The following KLF16 variants were observed in gnomAD, a reference collection of about 807,000 sequenced individuals.
KLF16 encodes Krueppel-like factor 16.
A neutral mutation model predicts 6.1 loss-of-function variants in KLF16; 6 were observed. That is an observed-to-expected ratio of 0.98 (90% CI 0.54 to 1.93). The LOEUF is 1.93. KLF16 is among the 30% of genes most tolerant of loss of function. The pLI, the probability that KLF16 is intolerant of heterozygous loss-of-function variation, is 0.01. For synonymous variants in KLF16, 211 were observed against 176.5 expected, an observed-to-expected ratio of 1.20 and a Z score of -1.55; for missense variants, 355 against 363.8, an observed-to-expected ratio of 0.98 and a Z score of 0.20.
chr19:1,875,801 C>T, the KLF16 span: 1 of 152,536 alleles, frequency 6.6e-6, no homozygotes, highest in Non-Finnish European at 1.5e-5. Context: ...GAAACGTGAG[C>T]CGCGCTGAGG....
chr19:1,870,245 A>G, the KLF16 span, among the ~76,000 whole-genome samples: 4 of 152,106 alleles, frequency 2.6e-5, no homozygotes, highest in Non-Finnish European at 5.9e-5. Context: ...TTACTTTTTA[A>G]ACAAATATGA....
At chr19:1,858,622 G>A (rs907926784) in intron 1 of KLF16, among the ~76,000 whole-genome samples, 1 of 152,154 alleles carries the variant, frequency 6.6e-6, no homozygotes, top group African/African-American at 2.4e-5. Flanking sequence ...TCCAACAAGA[G>A]CAAGGGCAGA....
chr19:1,864,033 C>G (rs1488530037), upstream of KLF16, among the ~76,000 whole-genome samples: 2 of 146,680 alleles, frequency 1.4e-5, no homozygotes, highest in Admixed American at 1.3e-4. Flanking sequence ...GCACGCCCCT[C>G]CTTCCGAGAG....
chr19:1,855,567 G>A (rs879703165), intron 1 of KLF16, among the ~76,000 whole-genome samples: 18 of 152,172 alleles, frequency 1.2e-4, no homozygotes, highest in African/African-American at 2.2e-4. Flanking sequence ...GCCGGGCCTC[G>A]CCCATCCTGC....
At chr19:1,862,449 C>G (rs967615684) in intron 1 of KLF16, among the ~76,000 whole-genome samples, 8 of 152,114 alleles carry the variant, frequency 5.3e-5, no homozygotes, top group Non-Finnish European at 1.0e-4. Context: ...CAGACTCAGG[C>G]CCCAACCCGC....
In KLF16 at chr19:1,856,889, C is replaced by A. The variant is rs557233820; in HGVS notation, c.458-2129G>T. Among the ~76,000 whole-genome samples, 28 of 138,896 alleles carry A rather than the reference C, an allele frequency of 2.0e-4. No homozygotes were observed. In the Middle Eastern group the frequency reaches 0.012, roughly 58 times the overall value. 91.1% of individuals were successfully genotyped at this position (138,896 alleles called of 152,430 possible). ...AGTTGGTTCACTTCCCCTTTCAGGG[C>A]GGCGGGGCTGGTCTCCACTCCCTCT... On this transcript the variant is annotated intron_variant, in intron 1 of 1. Coordinates refer to ENST00000250916, the MANE Select transcript of KLF16 (RefSeq NM_031918.4).
At chr19:1,867,616 A>G (rs1455911405), upstream of KLF16, among the ~76,000 whole-genome samples, 3 of 152,186 alleles carry the variant, frequency 2.0e-5, no homozygotes, top group African/African-American at 7.2e-5. Flanking sequence ...CTGTAATCTC[A>G]GCACTTTGGG....
rs2011969110 is a variant in KLF16, at chr19:1,857,097, G to A, written c.458-2337C>T. Among the ~76,000 whole-genome samples, 1 of 152,068 alleles carries A rather than the reference G, an allele frequency of 6.6e-6. No homozygotes were observed. The highest frequency in any genetic ancestry group is 1.5e-5 in the Non-Finnish European group (1 of 67,994). ...CTCCCGCCGGGGCCAGGGGGCCCGG[G>A]CCAGGGTCGCCTCTCCGGCCTGGGT... On this transcript the variant is annotated intron_variant, in intron 1 of 1. Coordinates refer to ENST00000250916, the MANE Select transcript of KLF16 (RefSeq NM_031918.4). This position sits in a 1 kb window ranked among gnomAD's most constrained non-coding sequence, Gnocchi z 4.7.
At chr19:1,863,719 C>G (rs2012126558), upstream of KLF16, among the ~76,000 whole-genome samples, 1 of 141,460 alleles carries the variant, frequency 7.1e-6, no homozygotes, top group South Asian at 2.2e-4. Context: ...GCCCGGAGGA[C>G]GCCCCCTCGG....
At chr19:1,869,019 G>A in the KLF16 span, among the ~76,000 whole-genome samples, 1 of 152,148 alleles carries the variant, frequency 6.6e-6, no homozygotes, top group African/African-American at 2.4e-5. Flanking sequence ...AGGAAAGCCT[G>A]AAGAACCAAG....
At chr19:1,871,447 C>A in the KLF16 span, among the ~76,000 whole-genome samples, 1 of 152,176 alleles carries the variant, frequency 6.6e-6, no homozygotes, top group African/African-American at 2.4e-5. Flanking sequence ...TCCCGGTGAT[C>A]CTGATTGTCA....
At chr19:1,874,967 T>C in the KLF16 span, 13 of 152,194 alleles carry the variant, frequency 8.5e-5, no homozygotes, top group African/African-American at 2.9e-4. Context: ...CAACGTAACA[T>C]AGATGTAACA....
chr19:1,864,858 G>C (rs2012159627), upstream of KLF16, among the ~76,000 whole-genome samples: 1 of 152,126 alleles, frequency 6.6e-6, no homozygotes, highest in Non-Finnish European at 1.5e-5. Flanking sequence ...CCGCGCTCCC[G>C]CCCCTTCCCA....
upstream of KLF16, among the ~76,000 whole-genome samples, chr19:1,867,746 A>C (rs2012210001): frequency 6.6e-6 from 1 of 151,806 alleles, no homozygotes; most frequent in South Asian, 2.1e-4. Context: ...GGCCGCCTGT[A>C]ATCCCAGCTA....
the KLF16 span, among the ~76,000 whole-genome samples, chr19:1,872,767 C>T: frequency 5.4e-3 from 819 of 152,126 alleles, 7 homozygotes; most frequent in African/African-American, 0.019. Flanking sequence ...CTACTTCTCT[C>T]GGTGGGGAAG....
At chr19:1,861,100 C>T (rs1438114362) in intron 1 of KLF16, among the ~76,000 whole-genome samples, 1 of 152,100 alleles carries the variant, frequency 6.6e-6, no homozygotes, top group Non-Finnish European at 1.5e-5. Context: ...ACTGCAATCC[C>T]GGGATAACAA....
chr19:1,865,184 C>G (rs1254950437), upstream of KLF16, among the ~76,000 whole-genome samples: 1 of 152,208 alleles, frequency 6.6e-6, no homozygotes. Context: ...GGAGGTTCAG[C>G]GAAGTGTGGG....
chr19:1,872,454 C>CT, the KLF16 span, among the ~76,000 whole-genome samples: 11 of 152,304 alleles, frequency 7.2e-5, no homozygotes, highest in South Asian at 2.3e-3. Context: ...TCAGGGCACT[C>CT]TGCTAACAGC....
At chr19:1,869,589 A>C in the KLF16 span, among the ~76,000 whole-genome samples, 2 of 152,162 alleles carry the variant, frequency 1.3e-5, no homozygotes, top group Admixed American at 1.3e-4. Flanking sequence ...GTAGACCTCA[A>C]ACTATTCCAA....
Sources: allele counts gnomAD v4.1 joint callset (sites outside exome capture counted in the v4.1 genomes callset), GRCh38; gene constraint gnomAD v4.1.1; non-coding constraint Gnocchi (gnomAD v3.1); transcripts MANE v1.5; gene names NCBI Gene and HGNC (gene_info 2026-07-23, HGNC 2026-07-21).